Variants in ZDHHC6 observed in about 807,000 individuals in gnomAD.
ZDHHC6 encodes zDHHC palmitoyltransferase 6.
ZDHHC6 carries 32 observed loss-of-function variants against 57.8 expected under a neutral mutation model. That is an observed-to-expected ratio of 0.55 (90% CI 0.42 to 0.74). The LOEUF (loss-of-function observed/expected upper bound fraction) is 0.74. Ranked by LOEUF, ZDHHC6 falls within the 30% of genes least tolerant of loss-of-function variation. The pLI, the probability that ZDHHC6 is intolerant of heterozygous loss-of-function variation, is 0.00. For missense variants in ZDHHC6, 433 were observed against 500.7 expected (o/e 0.86, Z 1.29); for synonymous variants, 128 against 158.0 (o/e 0.81, Z 1.42).
At position 112,444,142 on chromosome 10, in the gene ZDHHC6, A is replaced by G. The variant is rs148070334; in HGVS notation, c.268-536T>C. ...CAGACTCTGCCTGAAAACCCCTACAACTTTCTATGGTCTACAATTTCTCAT... is the reference window on the plus strand; with the variant it reads ...CAGACTCTGCCTGAAAACCCCTACAGCTTTCTATGGTCTACAATTTCTCAT... On this transcript the variant is annotated intron_variant, in intron 2 of 10. Transcript: ENST00000369405. Among the ~76,000 whole-genome samples, 642 of 152,284 alleles carry G rather than the reference A, an allele frequency of 4.2e-3. 5 individuals carry two copies. The highest frequency in any genetic ancestry group is 0.015 in the African/African-American group (622 of 41,566).
At chr10:112,443,726 C>G in intron 2 of ZDHHC6, 120 bp from the exon 3 acceptor site, 1 of 701,272 alleles carries the variant, frequency 1.4e-6, no homozygotes, top group Non-Finnish European at 2.4e-6. Context: ...CTTGCATTTC[C>G]AGTCCTCTTA....
downstream of ZDHHC6, among the ~76,000 whole-genome samples, chr10:112,430,058 G>A (rs866781498): frequency 5.9e-5 from 9 of 152,248 alleles, no homozygotes; most frequent in South Asian, 1.0e-3. Flanking sequence ...CTGTAGCTAC[G>A]CTTGGCTCCT....
chr10:112,426,288 A>G, downstream of ZDHHC6: 1 of 1,614,150 alleles, frequency 6.2e-7, no homozygotes, highest in Non-Finnish European at 8.5e-7. Flanking sequence ...GGTTCCTGAC[A>G]CAGATGTACT....
At chr10:112,447,514 G>A, upstream of ZDHHC6, 2 of 1,596,748 alleles carry the variant, frequency 1.3e-6, no homozygotes, top group Non-Finnish European at 1.7e-6. Context: ...AGAGCTGGGA[G>A]GGTGCGGGCG....
intron 2 of ZDHHC6, among the ~76,000 whole-genome samples, chr10:112,444,864 A>C (rs549576060): frequency 2.6e-5 from 4 of 152,304 alleles, no homozygotes; most frequent in Non-Finnish European, 5.9e-5. Flanking sequence ...CTCACTGTGT[A>C]TGACATGTGA....
chr10:112,439,174 A>G (rs1381783855), intron 5 of ZDHHC6, among the ~76,000 whole-genome samples: 2 of 151,754 alleles, frequency 1.3e-5, no homozygotes, highest in Non-Finnish European at 2.9e-5. Context: ...GGGCCAACAG[A>G]GCCAGGCTCT....
Position 112,439,628 on chromosome 10 carries a change from TAAAAAAAAAAAAAAAAAAA to T in ZDHHC6, c.681+887_681+905del, listed in dbSNP as rs869272293. Reference sequence around the variant, plus strand: ...CTGGGTGACAGAGTGAGACTCCGTCTAAAAAAAAAAAAAAAAAAAAAAAAAAAAAAAAAAAAAAAAAGAA... The same window carrying T: ...CTGGGTGACAGAGTGAGACTCCGTCTAAAAAAAAAAAAAAAAAAAAAAGAA... On this transcript the variant is annotated intron_variant, in intron 5 of 10. Coordinates refer to ENST00000369405, the MANE Select transcript of ZDHHC6 (RefSeq NM_022494.3). Among the ~76,000 whole-genome samples, 57 of 31,300 alleles carry T rather than the reference TAAAAAAAAAAAAAAAAAAA, an allele frequency of 1.8e-3. 1 individual carries two copies. The highest frequency in any genetic ancestry group is 0.016 in the South Asian group (9 of 548). The allele number at this position is 31,300 out of a possible 152,430, so 20.5% of individuals were successfully genotyped here.
chr10:112,433,202 A>G, intron 8 of ZDHHC6, 38 bp downstream of exon 8: 2 of 1,544,690 alleles, frequency 1.3e-6, no homozygotes, highest in South Asian at 1.3e-5. Flanking sequence ...GAGCCTAACA[A>G]AAGAAAAAAA....
chr10:112,443,488 TCGCTG>T (rs765923062), intron 3 of ZDHHC6, 22 bp downstream of exon 3: 1 of 1,601,620 alleles, frequency 6.2e-7, no homozygotes, highest in South Asian at 1.1e-5. Context: ...TGATCAGTCC[TCGCTG>T]AACAGCAAGA....
chr10:112,440,044 AAGT>A (rs1845957280), intron 5 of ZDHHC6, among the ~76,000 whole-genome samples: 1 of 151,806 alleles, frequency 6.6e-6, no homozygotes, highest in Non-Finnish European at 1.5e-5. Flanking sequence ...AGTGTTTACC[AAGT>A]ACATGAATGG....
chr10:112,429,231 A>G (rs929199193), downstream of ZDHHC6, among the ~76,000 whole-genome samples: 2 of 152,198 alleles, frequency 1.3e-5, no homozygotes, highest in African/African-American at 4.8e-5. Flanking sequence ...TTATCACTTT[A>G]ACTTTCTCGC....
intron 4 of ZDHHC6, among the ~76,000 whole-genome samples, 173 bp from the exon 5 acceptor site, chr10:112,440,868 C>T (rs376826647): frequency 3.9e-5 from 6 of 152,286 alleles, no homozygotes; most frequent in Middle Eastern, 3.4e-3. Flanking sequence ...TTATTTGAGA[C>T]GGAGTCTCAC....
chr10:112,437,659 G>A (rs1052992652), intron 6 of ZDHHC6, among the ~76,000 whole-genome samples: 4 of 152,086 alleles, frequency 2.6e-5, no homozygotes, highest in Non-Finnish European at 5.9e-5. Context: ...GATATAAAAC[G>A]ATGCTATTCT....
At chr10:112,442,696 T>C (rs1477606695) in intron 3 of ZDHHC6, among the ~76,000 whole-genome samples, 2 of 152,142 alleles carry the variant, frequency 1.3e-5, no homozygotes, top group Non-Finnish European at 2.9e-5. Flanking sequence ...TTCTTCTAGT[T>C]TGTAAGTGCA....
downstream of ZDHHC6, among the ~76,000 whole-genome samples, chr10:112,425,846 G>T (rs1844662183): frequency 6.6e-6 from 1 of 151,284 alleles, no homozygotes; most frequent in Non-Finnish European, 1.5e-5. Flanking sequence ...TATATATAAA[G>T]CAACAAACAA....
downstream of ZDHHC6, among the ~76,000 whole-genome samples, chr10:112,429,196 A>G (rs1844854460): frequency 6.6e-6 from 1 of 152,234 alleles, no homozygotes; most frequent in South Asian, 2.1e-4. Flanking sequence ...GTAGGCAGGA[A>G]TTAACTTTTA....
chr10:112,434,465 C>A lies in ZDHHC6; in HGVS notation c.736-1G>T, dbSNP rs755235925. 6.2e-7 allele frequency: 1 copy of A among 1,609,410 alleles called. No homozygotes were observed. Among genetic ancestry groups the A allele is most frequent in the East Asian group, 2.2e-5 (1 of 44,708 alleles). Reference sequence around the variant, plus strand: ...GATAATACTGAATTCGATCTTTAGCCTGTGGGTAACAAAGATATAAGATGG... The same window carrying A: ...GATAATACTGAATTCGATCTTTAGCATGTGGGTAACAAAGATATAAGATGG... On this transcript the variant is annotated splice_acceptor_variant, in intron 6 of 10. Transcript: ENST00000369405. LOFTEE classifies it high-confidence loss of function.
At chr10:112,433,431 T>C (rs901385028) in intron 7 of ZDHHC6, 150 bp from the exon 8 acceptor site, 1 of 583,818 alleles carries the variant, frequency 1.7e-6, no homozygotes, top group Non-Finnish European at 2.8e-6. Context: ...CAGGTTGTTT[T>C]AGCATGGAAA....
At chr10:112,428,503 TAA>T (rs1183797897), downstream of ZDHHC6, 6 of 398,076 alleles carry the variant, frequency 1.5e-5, no homozygotes, top group Non-Finnish European at 2.7e-5. Context: ...CTAGGAAGTT[TAA>T]AAAGACACTA....
Sources: gnomAD v4.1 joint callset for allele counts (sites outside exome capture counted in the v4.1 genomes callset) on GRCh38, gnomAD v4.1.1 for gene constraint, MANE v1.5 for transcripts, NCBI Gene and HGNC (gene_info 2026-07-23, HGNC 2026-07-21) for gene names.